CNTN5: variants seen among roughly 807,000 people sequenced by gnomAD.
The protein encoded by CNTN5 is contactin-5.
Under a neutral mutation model 129.1 loss-of-function variants are expected in CNTN5, and 77 were observed. The ratio of observed to expected loss-of-function variants is 0.60; its 90% CI spans 0.50 to 0.72. The LOEUF (loss-of-function observed/expected upper bound fraction) is 0.72. Among genes scored for constraint, CNTN5 ranks in the 30% least tolerant of loss-of-function variants. CNTN5 has a pLI of 0.00. For missense variants in CNTN5, 1,478 were observed against 1,328.8 expected (o/e 1.11, Z -1.75); for synonymous variants, 509 against 465.6 (o/e 1.09, Z -1.20).
intron 1 of CNTN5, among the ~76,000 whole-genome samples, chr11:99,153,774 T>C (rs1340693205): frequency 6.6e-6 from 1 of 151,220 alleles, no homozygotes; most frequent in East Asian, 2.0e-4. Context: ...CTATGTGGCC[T>C]GATGTTCCTC....
At chr11:99,814,952 A>G (rs1173091436) in intron 3 of CNTN5, among the ~76,000 whole-genome samples, 1 of 152,086 alleles carries the variant, frequency 6.6e-6, no homozygotes, top group African/African-American at 2.4e-5. Flanking sequence ...GGCAGTAGAG[A>G]GAATTGACTG....
rs532493847 is a variant in CNTN5, at chr11:99,292,826, G to A, written c.-209-32520G>A. Among the ~76,000 whole-genome samples the A allele has an allele frequency of 3.9e-5, 6 of 151,940 alleles. No individual in the cohort carries two copies. The South Asian group carries it at 1.2e-3, about 32-fold the overall frequency. ...GCCTTGGGAGGTAGAGTAGAAGAAA[G>A]TATAGGACTCCTTTGATGCCATCTA... On this transcript the variant is annotated intron_variant, in intron 1 of 24. Transcript: ENST00000524871.
chr11:99,568,335 T>A, intron 3 of CNTN5, among the ~76,000 whole-genome samples: 1 of 152,240 alleles, frequency 6.6e-6, no homozygotes, highest in East Asian at 1.9e-4. Context: ...ATTCACATTA[T>A]ATCAAGTGTC....
chr11:99,897,726 C>T (rs372921096), intron 6 of CNTN5, among the ~76,000 whole-genome samples: 1 of 151,870 alleles, frequency 6.6e-6, no homozygotes, highest in East Asian at 1.9e-4. Flanking sequence ...CCCTATAAAG[C>T]AACTGCGTAA....
At chr11:99,188,580 A>T (rs140949944) in intron 1 of CNTN5, among the ~76,000 whole-genome samples, 36 of 151,944 alleles carry the variant, frequency 2.4e-4, no homozygotes, top group Middle Eastern at 6.8e-3. Context: ...TGTTTCTTAT[A>T]TCCCACTATA....
intron 8 of CNTN5, among the ~76,000 whole-genome samples, chr11:99,985,554 C>G (rs1232677263): frequency 1.3e-5 from 2 of 152,034 alleles, no homozygotes; most frequent in Non-Finnish European, 2.9e-5. Flanking sequence ...TCAGAAAGAA[C>G]CAATTGGGAA....
In CNTN5 at chr11:99,916,134, C is replaced by T. The variant is rs1949783959; in HGVS notation, c.658C>T (p.Pro220Ser). ...GGGTGTCGTTCTGATGTGCTCTCCT[C>T]CGCCACATTCACCAGGTACAGTAGG... is the stretch of plus-strand genomic sequence containing the variant. ...GQGVVLMCSPPPHSPEIIYSW... is the reference protein window; with the variant it reads ...GQGVVLMCSPSPHSPEIIYSW... Residue 220 changes from proline to serine, a missense_variant, in exon 7 of 25, where the codon CCG becomes TCG. By Grantham distance (74) the Pro-to-Ser change is moderately conservative (BLOSUM62 -1). Transcript: ENST00000524871. The T allele has an allele frequency of 5.6e-6, 9 of 1,611,436 alleles. No homozygotes were observed. Among genetic ancestry groups the T allele is most frequent in the Non-Finnish European group, 6.8e-6 (8 of 1,178,628 alleles).
At chr11:100,342,798 A>C (rs372726237) in intron 23 of CNTN5, among the ~76,000 whole-genome samples, 8 of 152,208 alleles carry the variant, frequency 5.3e-5, no homozygotes, top group African/African-American at 1.9e-4. Flanking sequence ...TCAAATATGT[A>C]TTTTTTTCTA....
chr11:100,288,861 G>T (rs9666108), intron 18 of CNTN5, among the ~76,000 whole-genome samples: 2,410 of 151,990 alleles, frequency 0.016, 45 homozygotes, highest in African/African-American at 0.055. Context: ...TAGACCGCTA[G>T]CAAGACTAAT....
intron 6 of CNTN5, among the ~76,000 whole-genome samples, chr11:99,906,332 G>C (rs1053874284): frequency 6.6e-6 from 1 of 152,142 alleles, no homozygotes; most frequent in African/African-American, 2.4e-5. Flanking sequence ...CTTATTGAGA[G>C]TTTTTAGCAT....
intron 21 of CNTN5, among the ~76,000 whole-genome samples, chr11:100,310,070 C>T (rs999648554): frequency 3.9e-5 from 6 of 151,908 alleles, no homozygotes; most frequent in Non-Finnish European, 7.4e-5. Flanking sequence ...CTGAGTTCCT[C>T]CCTTTTTAAA....
At chr11:100,345,440 T>G (rs1299507698) in intron 23 of CNTN5, among the ~76,000 whole-genome samples, 1 of 152,176 alleles carries the variant, frequency 6.6e-6, no homozygotes, top group East Asian at 1.9e-4. Flanking sequence ...ACCTGAATTC[T>G]GCAGGGGACA....
intron 3 of CNTN5, among the ~76,000 whole-genome samples, chr11:99,802,994 C>T (rs995843798): frequency 6.6e-6 from 1 of 152,164 alleles, no homozygotes; most frequent in African/African-American, 2.4e-5. Context: ...CCTGCTGCAC[C>T]ACAGTCTGTG....
Position 99,845,220 on chromosome 11 carries a change from G to GA in CNTN5, c.535_536insA (p.Val179AspfsTer6). ...TTATCAGTGTTTAGCAACCAACACT[G>GA]TGGGGAGTATTCTTAGTAGAGAAGC... On this transcript the variant is annotated frameshift_variant, in exon 6 of 25. Transcript: ENST00000524871. LOFTEE classifies it high-confidence loss of function. 1.2e-6 allele frequency: 2 copies of GA among 1,613,572 alleles called. No homozygotes were observed. The highest frequency in any genetic ancestry group is 1.7e-6 in the Non-Finnish European group (2 of 1,179,756).
intron 1 of CNTN5, among the ~76,000 whole-genome samples, chr11:99,176,612 T>G (rs1857786623): frequency 6.6e-6 from 1 of 152,224 alleles, no homozygotes; most frequent in Admixed American, 6.5e-5. Flanking sequence ...CATTATTAGC[T>G]TCTCTTTTTC....
At chr11:99,930,090 A>G (rs1386403782) in intron 7 of CNTN5, among the ~76,000 whole-genome samples, 1 of 152,022 alleles carries the variant, frequency 6.6e-6, no homozygotes, top group Admixed American at 6.6e-5. Context: ...TAATCGCAGT[A>G]TGTAGAGTGA....
chr11:99,661,260 G>A (rs1204001889), intron 3 of CNTN5, among the ~76,000 whole-genome samples: 1 of 152,086 alleles, frequency 6.6e-6, no homozygotes, highest in Non-Finnish European at 1.5e-5. Flanking sequence ...AATTCTCCTA[G>A]ACTGAATAAT....
chr11:99,408,591 C>T (rs553266485), intron 2 of CNTN5, among the ~76,000 whole-genome samples: 219 of 152,164 alleles, frequency 1.4e-3, no homozygotes, highest in African/African-American at 5.1e-3. Flanking sequence ...GCCTCGGCCT[C>T]CCAAAGTGCT....
intron 2 of CNTN5, among the ~76,000 whole-genome samples, chr11:99,472,035 A>G (rs1023056988): frequency 1.7e-4 from 26 of 152,166 alleles, no homozygotes; most frequent in African/African-American, 6.3e-4. Flanking sequence ...AAATAGTAGT[A>G]TATAGGTAAG....
Sources: gnomAD v4.1 joint callset for allele counts (sites outside exome capture counted in the v4.1 genomes callset) on GRCh38, gnomAD v4.1.1 for gene constraint, MANE v1.5 for transcripts, NCBI Gene and HGNC (gene_info 2026-07-23, HGNC 2026-07-21) for gene names.